The following CFAP299 variants were observed in gnomAD, a reference collection of about 807,000 sequenced individuals.
CFAP299 encodes cilia and flagella associated protein 299.
CFAP299 carries 21 observed loss-of-function variants against 27.0 expected under a neutral mutation model. That is an observed-to-expected ratio of 0.78 (90% CI 0.55 to 1.12). The LOEUF is 1.12. Among genes scored for constraint, CFAP299 ranks in the 50% most tolerant of loss-of-function variants. The probability of loss-of-function intolerance (pLI) is 0.00; values close to 1 mark genes in which losing one functional copy is unlikely to be tolerated. For missense variants in CFAP299, 310 were observed against 276.6 expected, an observed-to-expected ratio of 1.12 and a Z score of -0.86; for synonymous variants, 104 against 98.1, an observed-to-expected ratio of 1.06 and a Z score of -0.36.
intron 3 of CFAP299, among the ~76,000 whole-genome samples, chr4:80,863,002 G>A (rs972531279): frequency 6.6e-6 from 1 of 151,966 alleles, no homozygotes; most frequent in African/African-American, 2.4e-5. Context: ...AAAAAGAAGG[G>A]TCCCTAAAAT....
chr4:80,813,441 G>A (rs1476710361), intron 3 of CFAP299, among the ~76,000 whole-genome samples: 2 of 151,922 alleles, frequency 1.3e-5, no homozygotes, highest in Non-Finnish European at 2.9e-5. Flanking sequence ...GTAAAAATCA[G>A]GAGAGTTGTA....
chr4:80,901,829 A>C (rs1399365642), intron 4 of CFAP299, among the ~76,000 whole-genome samples: 2 of 152,064 alleles, frequency 1.3e-5, no homozygotes, highest in African/African-American at 4.8e-5. Flanking sequence ...CAGAACTCTA[A>C]ATTAAATCTC....
chr4:80,691,597 G>C (rs1156971017), intron 3 of CFAP299, among the ~76,000 whole-genome samples: 7 of 151,348 alleles, frequency 4.6e-5, no homozygotes, highest in Non-Finnish European at 8.9e-5. Context: ...ATACTGAATG[G>C]GCAAAAACTG....
intron 3 of CFAP299, among the ~76,000 whole-genome samples, chr4:80,752,937 T>C (rs540460220): frequency 6.6e-6 from 1 of 152,262 alleles, no homozygotes; most frequent in East Asian, 1.9e-4. Context: ...CCTTGTGCTA[T>C]TATTGTCATA....
chr4:80,702,807 A>G (rs1304210171), intron 3 of CFAP299, among the ~76,000 whole-genome samples: 1 of 151,858 alleles, frequency 6.6e-6, no homozygotes. Flanking sequence ...CAAATGTCAG[A>G]AAAACTCAAA....
At chr4:80,483,102 T>G (rs1413273655) in intron 2 of CFAP299, among the ~76,000 whole-genome samples, 1 of 152,266 alleles carries the variant, frequency 6.6e-6, no homozygotes, top group South Asian at 2.1e-4. Flanking sequence ...TTCAATGTAA[T>G]CACAAAGGTT....
intron 2 of CFAP299, among the ~76,000 whole-genome samples, chr4:80,477,693 C>T (rs1730350231): frequency 6.6e-6 from 1 of 152,170 alleles, no homozygotes; most frequent in South Asian, 2.1e-4. Context: ...CTCCACGACA[C>T]CTAGCACCTA....
intron 3 of CFAP299, among the ~76,000 whole-genome samples, chr4:80,730,254 G>C (rs1009553378): frequency 0.012 from 1,630 of 138,968 alleles, 16 homozygotes; most frequent in African/African-American, 0.027. Context: ...CTCTCTGTGT[G>C]TGTGTGTGTG....
chr4:80,361,285 A>T (rs990619756), intron 1 of CFAP299, among the ~76,000 whole-genome samples: 1 of 152,248 alleles, frequency 6.6e-6, no homozygotes, highest in African/African-American at 2.4e-5. Context: ...TTCAAAATAA[A>T]TATAGCAAAT....
chr4:80,790,518 A>G (rs1727496652), intron 3 of CFAP299: 1 of 151,846 alleles, frequency 6.6e-6, no homozygotes, highest in African/African-American at 2.4e-5. Flanking sequence ...TGACGGTGGA[A>G]CCCCCATGAA....
At chr4:80,871,942 A>G (rs1044513633) in intron 4 of CFAP299, 2 of 146,774 alleles carry the variant, frequency 1.4e-5, no homozygotes, top group Admixed American at 6.8e-5. Context: ...GTCTTACTAT[A>G]TCTTGACCTC....
chr4:80,961,515 T>C (rs1738343034), intron 5 of CFAP299, among the ~76,000 whole-genome samples: 1 of 151,864 alleles, frequency 6.6e-6, no homozygotes, highest in African/African-American at 2.4e-5. Context: ...ATATAAGAAC[T>C]CTATAGGCCA....
In CFAP299 at chr4:80,760,137, C is replaced by A. The variant is rs537995647; in HGVS notation, c.334-109856C>A. 2.9e-4 allele frequency among the ~76,000 whole-genome samples: 44 copies of A among 152,180 alleles called. No individual in the cohort carries two copies. In the South Asian group the frequency reaches 3.1e-3, roughly 11 times the overall value. ...CCTGCAGTAAAGTCAAATAGGAAAT[C>A]ACTAACCTTAATTTTGAATATTTGC... is the stretch of plus-strand genomic sequence containing the variant. On this transcript the variant is annotated intron_variant, in intron 3 of 5. Transcript: ENST00000358105.
intron 2 of CFAP299, among the ~76,000 whole-genome samples, chr4:80,493,372 C>A (rs1033855855): frequency 1.3e-5 from 2 of 152,108 alleles, no homozygotes; most frequent in Non-Finnish European, 2.9e-5. Context: ...TGTGTCATTC[C>A]CCTATTGGCT....
chr4:80,829,491 A>G (rs959459040), intron 3 of CFAP299, among the ~76,000 whole-genome samples: 2 of 152,072 alleles, frequency 1.3e-5, no homozygotes, highest in Admixed American at 6.6e-5. Flanking sequence ...GTTAACTAGT[A>G]TAGAGGTTGT....
chr4:80,825,356 A>C (rs1347119368), intron 3 of CFAP299, among the ~76,000 whole-genome samples: 12 of 152,052 alleles, frequency 7.9e-5, no homozygotes, highest in Non-Finnish European at 1.8e-4. Context: ...ATTTGAAAAA[A>C]CAGTAGCCAA....
At chr4:80,356,551 C>T (rs1723288819) in intron 1 of CFAP299, among the ~76,000 whole-genome samples, 1 of 151,962 alleles carries the variant, frequency 6.6e-6, no homozygotes, top group African/African-American at 2.4e-5. Flanking sequence ...GTTCCTTCAC[C>T]TCCCTTGTTA....
intron 3 of CFAP299, among the ~76,000 whole-genome samples, chr4:80,612,507 C>G (rs1295187313): frequency 6.6e-6 from 1 of 152,030 alleles, no homozygotes; most frequent in Non-Finnish European, 1.5e-5. Flanking sequence ...TTTGCAGAAA[C>G]ATCCCATCCA....
intron 3 of CFAP299, among the ~76,000 whole-genome samples, chr4:80,767,425 T>C (rs942841393): frequency 2.6e-5 from 4 of 151,940 alleles, no homozygotes; most frequent in African/African-American, 7.2e-5. Flanking sequence ...CTGGCTAACA[T>C]GGTGAAACCC....
Sources: gnomAD v4.1 joint callset for allele counts (sites outside exome capture counted in the v4.1 genomes callset) on GRCh38, gnomAD v4.1.1 for gene constraint, MANE v1.5 for transcripts, NCBI Gene and HGNC (gene_info 2026-07-23, HGNC 2026-07-21) for gene names.